FMN1: variants seen among roughly 807,000 people sequenced by gnomAD.
FMN1 encodes formin 1.
In FMN1, 110 loss-of-function variants were observed where a neutral mutation model predicts 132.4. The observed-to-expected ratio is 0.83, with a 90% CI of 0.71 to 0.97. The LOEUF is 0.97. Among genes scored for constraint, FMN1 ranks in the 50% least tolerant of loss-of-function variants. FMN1 has a pLI of 0.00. For missense variants in FMN1, 1,792 were observed against 1,705.3 expected (o/e 1.05, Z -0.90); for synonymous variants, 722 against 651.7 (o/e 1.11, Z -1.64).
chr15:32,799,289 T>C (rs1178921288), intron 18 of FMN1, among the ~76,000 whole-genome samples: 3 of 152,210 alleles, frequency 2.0e-5, no homozygotes, highest in Non-Finnish European at 4.4e-5. Flanking sequence ...ATTTTATGTT[T>C]AGTGATTACA....
At chr15:33,181,829 C>T (rs1965715460) in intron 2 of FMN1, among the ~76,000 whole-genome samples, 1 of 151,656 alleles carries the variant, frequency 6.6e-6, no homozygotes, top group Admixed American at 6.6e-5. Flanking sequence ...CTTCCTCAGC[C>T]TCCTGAGTAG....
intron 4 of FMN1, among the ~76,000 whole-genome samples, chr15:33,142,211 T>G (rs1964039697): frequency 6.6e-6 from 1 of 152,218 alleles, no homozygotes. Flanking sequence ...GTAGCCTGAC[T>G]TTTTGTTCTC....
intron 6 of FMN1, among the ~76,000 whole-genome samples, chr15:33,040,522 T>C (rs2036383781): frequency 1.3e-5 from 2 of 152,218 alleles, no homozygotes; most frequent in Non-Finnish European, 2.9e-5. Context: ...AAATGATTAT[T>C]ATTTATAACA....
chr15:32,967,374 C>T lies in FMN1; in HGVS notation c.2987+1340G>A, dbSNP rs551396096. On this transcript the variant is annotated intron_variant, in intron 8 of 20. Transcript: ENST00000616417. ...GGTGTGGAACAGCTCCCCGTGCTGT[C>T]GGACACACTCGTCCAGGGCTTACAG... 7.2e-5 allele frequency among the ~76,000 whole-genome samples: 11 copies of T among 152,286 alleles called. No individual in the cohort carries two copies. The South Asian group carries it at 2.3e-3, about 32-fold the overall frequency.
chr15:33,012,565 G>T, intron 6 of FMN1: 2 of 1,492,836 alleles, frequency 1.3e-6, no homozygotes, highest in Non-Finnish European at 1.8e-6. Context: ...CTTTGCCTTT[G>T]TAACCTTTGA....
intron 16 of FMN1, among the ~76,000 whole-genome samples, chr15:32,872,063 C>T (rs1391711399): frequency 6.6e-6 from 1 of 151,152 alleles, no homozygotes; most frequent in Non-Finnish European, 1.5e-5. Context: ...TTGAAAGGCC[C>T]TAATGTGTCA....
intron 17 of FMN1, among the ~76,000 whole-genome samples, chr15:32,836,585 G>A (rs1332400318): frequency 1.3e-5 from 2 of 152,142 alleles, no homozygotes; most frequent in Admixed American, 1.3e-4. Flanking sequence ...AGCTGTATAT[G>A]TCTTACAAAC....
At chr15:32,983,927 T>C (rs2032879312) in intron 7 of FMN1, among the ~76,000 whole-genome samples, 1 of 152,178 alleles carries the variant, frequency 6.6e-6, no homozygotes, top group Non-Finnish European at 1.5e-5. Flanking sequence ...ATTCTTACAT[T>C]GCAGCTACGT....
chr15:33,168,100 A>G (rs950389583), intron 3 of FMN1, among the ~76,000 whole-genome samples: 3 of 152,316 alleles, frequency 2.0e-5, no homozygotes, highest in African/African-American at 7.2e-5. Context: ...ACCCATGAGA[A>G]ATCATGTAAG....
At chr15:33,192,485 G>A (rs899767435) in intron 2 of FMN1, among the ~76,000 whole-genome samples, 4 of 152,256 alleles carry the variant, frequency 2.6e-5, no homozygotes, top group Admixed American at 2.6e-4. Flanking sequence ...TGAACACTCA[G>A]TGAGAAAGAA....
At chr15:32,992,507 T>G (rs1026327455) in intron 7 of FMN1, among the ~76,000 whole-genome samples, 1 of 152,126 alleles carries the variant, frequency 6.6e-6, no homozygotes. Flanking sequence ...GATGCCCAAT[T>G]TATTCATCAA....
At chr15:32,799,653 G>T (rs1244418560) in intron 18 of FMN1, among the ~76,000 whole-genome samples, 1 of 152,170 alleles carries the variant, frequency 6.6e-6, no homozygotes, top group Admixed American at 6.5e-5. Flanking sequence ...TCTCCAGTCT[G>T]GTCAGTAAAG....
intron 7 of FMN1, among the ~76,000 whole-genome samples, chr15:32,990,214 G>A (rs2033347775): frequency 6.6e-6 from 1 of 152,112 alleles, no homozygotes; most frequent in Non-Finnish European, 1.5e-5. Context: ...ATCTCCAAGA[G>A]ACAAAATATA....
intron 4 of FMN1, chr15:33,106,058 G>A (rs345776): frequency 0.28 from 43,142 of 151,888 alleles, 6,708 homozygotes; most frequent in East Asian, 0.67. Flanking sequence ...CAGTACATAA[G>A]GGGAGGCTCT....
intron 9 of FMN1, among the ~76,000 whole-genome samples, chr15:32,952,779 A>C (rs2061682532): frequency 6.6e-6 from 1 of 152,224 alleles, no homozygotes; most frequent in African/African-American, 2.4e-5. Context: ...CATGAAAGTT[A>C]ATTAATGAAA....
At chr15:33,020,491 AC>A (rs2035358776) in intron 6 of FMN1, among the ~76,000 whole-genome samples, 1 of 152,174 alleles carries the variant, frequency 6.6e-6, no homozygotes, top group Non-Finnish European at 1.5e-5. Context: ...CTACTAAAAT[AC>A]AAAAAGTAGC....
intron 19 of FMN1, among the ~76,000 whole-genome samples, chr15:32,782,586 T>C (rs1369413004): frequency 6.6e-6 from 1 of 152,248 alleles, no homozygotes; most frequent in African/African-American, 2.4e-5. Context: ...AGTGAGGTTA[T>C]GTGACTTTGT....
chr15:33,070,580 T>C (rs80321242), intron 5 of FMN1, among the ~76,000 whole-genome samples: 1,586 of 152,170 alleles, frequency 0.01, 35 homozygotes, highest in African/African-American at 0.037. Flanking sequence ...TCAATACTCA[T>C]AGATGCCAAC....
intron 13 of FMN1, 186 bp from the exon 14 acceptor site, chr15:32,900,311 CATT>C: frequency 1.4e-6 from 1 of 710,560 alleles, no homozygotes; most frequent in Non-Finnish European, 2.5e-6. Context: ...CATTAACAGC[CATT>C]ATTTTCTACC....
Sources: gnomAD v4.1 joint callset for allele counts (sites outside exome capture counted in the v4.1 genomes callset) on GRCh38, gnomAD v4.1.1 for gene constraint, MANE v1.5 for transcripts, NCBI Gene and HGNC (gene_info 2026-07-23, HGNC 2026-07-21) for gene names.